Variants in IQANK1 observed in about 807,000 individuals in gnomAD.
IQANK1 encodes IQ motif and ankyrin repeat domain-containing protein 1.
In IQANK1, 30 loss-of-function variants were observed where a neutral mutation model predicts 22.6. The ratio of observed to expected loss-of-function variants is 1.33; its 90% CI spans 0.99 to 1.80. IQANK1 has a LOEUF of 1.80. Among genes scored for constraint, IQANK1 ranks in the 40% most tolerant of loss-of-function variants. IQANK1 has a pLI of 0.00. For synonymous variants in IQANK1, 122 were observed against 99.6 expected (o/e 1.23, Z -1.34); for missense variants, 275 against 235.2 (o/e 1.17, Z -1.11).
At chr8:143,768,561 G>A (rs927739957) in intron 3 of IQANK1, among the ~76,000 whole-genome samples, 7 of 152,046 alleles carry the variant, frequency 4.6e-5, no homozygotes, top group Non-Finnish European at 1.0e-4. Context: ...TTGTGTGCCC[G>A]ATGGGAATCT....
intron 2 of IQANK1, among the ~76,000 whole-genome samples, chr8:143,737,813 A>C (rs890730845): frequency 3.3e-5 from 5 of 152,204 alleles, no homozygotes; most frequent in South Asian, 2.1e-4. Context: ...CTCCCGCCAC[A>C]GCTGCATCTG....
intron 10 of IQANK1, 70 bp downstream of exon 10, chr8:143,789,598 G>C: frequency 5.7e-6 from 7 of 1,229,552 alleles, no homozygotes; most frequent in Non-Finnish European, 7.1e-6. Context: ...AACCAGCCCA[G>C]AGCTCCCCGC....
At position 143,758,721 on chromosome 8, in the gene IQANK1, T is replaced by G. The variant is rs956983847; in HGVS notation, c.176-12767T>G. 47 of 152,408 alleles carry G rather than the reference T, an allele frequency of 3.1e-4. 1 individual carries two copies. Among genetic ancestry groups the G allele is most frequent in the African/African-American group, 1.1e-3 (47 of 41,458 alleles). 9.4% of individuals were successfully genotyped at this position (152,408 alleles called of 1,614,324 possible). A position where few individuals can be genotyped will look rare whatever the true frequency, so the allele number is the denominator to read the frequency against. On this transcript the variant is annotated intron_variant, in intron 3 of 13. Transcript: ENST00000527139. The surrounding 1 kb of genome is among the most constrained non-coding windows in gnomAD (Gnocchi z 4.2). ...CTGACAAGCCTGAGTCACAGGTCCCTGTGCAGGTCCCAGCGTCCAGTCCTC... is the reference window on the plus strand; with the variant it reads ...CTGACAAGCCTGAGTCACAGGTCCCGGTGCAGGTCCCAGCGTCCAGTCCTC...
chr8:143,750,252 C>G (rs1435880357), intron 3 of IQANK1, among the ~76,000 whole-genome samples: 1 of 152,148 alleles, frequency 6.6e-6, no homozygotes, highest in Admixed American at 6.5e-5. Context: ...CCCGCCTCAG[C>G]CTCCCAAAGT....
At chr8:143,741,015 T>C (rs1587471282) in intron 3 of IQANK1, among the ~76,000 whole-genome samples, 1 of 152,178 alleles carries the variant, frequency 6.6e-6, no homozygotes, top group East Asian at 1.9e-4. Context: ...CTGGGGAGGA[T>C]GTCCCTTCTG....
At chr8:143,745,685 G>A (rs1819014203) in intron 3 of IQANK1, 1 of 152,118 alleles carries the variant, frequency 6.6e-6, no homozygotes, top group Non-Finnish European at 1.5e-5. Context: ...CTCCCAAAGT[G>A]CTGGGATTAC....
In IQANK1 at chr8:143,790,083, A is replaced by G. The variant is rs1819997440; in HGVS notation, c.1289+19A>G. The G allele has an allele frequency of 2.4e-6, 3 of 1,231,998 alleles. No individual in the cohort carries two copies. The highest frequency in any genetic ancestry group is 3.0e-6 in the Non-Finnish European group (3 of 988,008). The allele number at this position is 1,231,998 out of a possible 1,614,324, so 76.3% of individuals were successfully genotyped here. On this transcript the variant is annotated intron_variant, in intron 12 of 13. Coordinates refer to ENST00000527139, the MANE Select transcript of IQANK1 (RefSeq NM_001381874.1). ...ATGGCCGGTCAGTTCTCCGGGCCAG[A>G]CGTGGGCGATTTGGGGTTTGGACAG... is the stretch of plus-strand genomic sequence containing the variant.
chr8:143,749,441 T>G (rs1170030185), intron 3 of IQANK1, among the ~76,000 whole-genome samples: 26 of 135,010 alleles, frequency 1.9e-4, no homozygotes, highest in South Asian at 8.6e-4. Context: ...TCATATATAA[T>G]TATATATTAT....
At chr8:143,778,346 GA>G (rs1279821402) in intron 7 of IQANK1, among the ~76,000 whole-genome samples, 1 of 152,222 alleles carries the variant, frequency 6.6e-6, no homozygotes, top group Admixed American at 6.5e-5. Context: ...CACTAAACAG[GA>G]TGCTGAAGTA....
chr8:143,748,440 AAT>A (rs202145707), intron 3 of IQANK1, among the ~76,000 whole-genome samples: 13 of 143,554 alleles, frequency 9.1e-5, no homozygotes, highest in African/African-American at 3.3e-4. Context: ...TGTATATATA[AAT>A]ATATATATCA....
chr8:143,754,732 TCTCCTG>T (rs1268603456), intron 3 of IQANK1, among the ~76,000 whole-genome samples: 5 of 152,186 alleles, frequency 3.3e-5, no homozygotes, highest in African/African-American at 1.2e-4. Flanking sequence ...TTCACGACAT[TCTCCTG>T]CCTCAGCCTC....
intron 3 of IQANK1, among the ~76,000 whole-genome samples, chr8:143,748,699 T>C (rs1554627561): frequency 8.6e-6 from 1 of 115,862 alleles, no homozygotes; most frequent in East Asian, 2.3e-4. Flanking sequence ...ATATCATATA[T>C]AAATATATAA....
intron 3 of IQANK1, among the ~76,000 whole-genome samples, chr8:143,752,996 G>GTTT (rs34993930): frequency 0.047 from 3,268 of 69,930 alleles, 177 homozygotes; most frequent in Middle Eastern, 0.065. Flanking sequence ...CTCTCTGTTC[G>GTTT]TTTTTTTTTT....
chr8:143,775,206 C>T (rs1212078013), intron 7 of IQANK1, among the ~76,000 whole-genome samples: 4 of 151,630 alleles, frequency 2.6e-5, no homozygotes, highest in Admixed American at 1.3e-4. Flanking sequence ...TATGTTGTAC[C>T]GTAATTATGT....
chr8:143,761,942 G>C (rs1434007108), intron 3 of IQANK1, among the ~76,000 whole-genome samples: 4 of 152,056 alleles, frequency 2.6e-5, no homozygotes, highest in African/African-American at 9.7e-5. Context: ...GAGTGGGATA[G>C]ATATTGTATT....
At chr8:143,756,682 CAAAAG>C (rs1819298672) in intron 3 of IQANK1, among the ~76,000 whole-genome samples, 1 of 151,746 alleles carries the variant, frequency 6.6e-6, no homozygotes, top group Admixed American at 6.6e-5. Context: ...GTTTTTTTCT[CAAAAG>C]AATAGCTTAG....
At chr8:143,743,005 C>T (rs1554626816) in intron 3 of IQANK1, 2 of 456,106 alleles carry the variant, frequency 4.4e-6, no homozygotes, top group Non-Finnish European at 8.8e-6. Flanking sequence ...CCCCCCAGAA[C>T]TCCTGGGACC....
intron 7 of IQANK1, among the ~76,000 whole-genome samples, chr8:143,785,549 C>G (rs1554631263): frequency 6.6e-6 from 1 of 151,104 alleles, no homozygotes; most frequent in Non-Finnish European, 1.5e-5. Flanking sequence ...AGCTACCAGA[C>G]CCAGCCTTTT....
chr8:143,770,229 T>A (rs1321199690), intron 3 of IQANK1, among the ~76,000 whole-genome samples: 4 of 152,276 alleles, frequency 2.6e-5, no homozygotes, highest in Non-Finnish European at 4.4e-5. Flanking sequence ...TGCCTGTTGT[T>A]CATGCCCTTT....
Sources: allele counts gnomAD v4.1 joint callset (sites outside exome capture counted in the v4.1 genomes callset), GRCh38; gene constraint gnomAD v4.1.1; non-coding constraint Gnocchi (gnomAD v3.1); transcripts MANE v1.5; gene names NCBI Gene and HGNC (gene_info 2026-07-23, HGNC 2026-07-21).